The following SH3GL1 variants were observed in gnomAD, a reference collection of about 807,000 sequenced individuals.
SH3GL1 encodes the protein SH3 domain containing GRB2 like 1, endophilin A2, also known as endophilin-A2.
In SH3GL1, 21 loss-of-function variants were observed where a neutral mutation model predicts 48.8. The observed-to-expected ratio is 0.43, with a 90% confidence interval of 0.30 to 0.62. SH3GL1 has a LOEUF of 0.62. SH3GL1 is among the 20% of genes least tolerant of loss of function. The pLI is 0.11. For missense variants in SH3GL1, 454 were observed against 503.0 expected (o/e 0.90, Z 0.93); for synonymous variants, 282 against 217.5 (o/e 1.30, Z -2.61).
intron 4 of SH3GL1, among the ~76,000 whole-genome samples, chr19:4,364,870 G>GTGTGTGTGTGTGTA: frequency 1.6e-5 from 1 of 63,370 alleles, no homozygotes; most frequent in African/African-American, 5.9e-5. Flanking sequence ...GGCTAATTGT[G>GTGTGTGTGTGTGTA]TGTGTGTGTG....
Position 4,376,917 on chromosome 19 carries a change from G to A in SH3GL1, c.46-9923C>T, listed in dbSNP as rs1973020129. Among the ~76,000 whole-genome samples the A allele has an allele frequency of 6.6e-6, 1 of 152,158 alleles. No individual in the cohort carries two copies. The highest frequency in any genetic ancestry group is 2.4e-5 in the African/African-American group (1 of 41,430). ...CCCGGGCAACCTCTTGGGGGTCCTC[G>A]CCACATCCCACCCCTTGACAGCAGC... On this transcript the variant is annotated intron_variant, in intron 1 of 9. Transcript: ENST00000269886. This position sits in a 1 kb window ranked among gnomAD's most constrained non-coding sequence, Gnocchi z 4.3.
At position 4,390,518 on chromosome 19, in the gene SH3GL1, A is replaced by C. The variant is rs192868022; in HGVS notation, c.45+9806T>G. On this transcript the variant is annotated intron_variant, in intron 1 of 9. Coordinates refer to ENST00000269886, the MANE Select transcript of SH3GL1 (RefSeq NM_003025.4). ...GAGTGAGAACAGAAAGAGAGGAAGAAGAGGGGGGAGAGATAGGGAGAGGAG... is the reference window on the plus strand; with the variant it reads ...GAGTGAGAACAGAAAGAGAGGAAGACGAGGGGGGAGAGATAGGGAGAGGAG... 1.4e-3 allele frequency: 207 copies of C among 152,002 alleles called. 3 individuals are homozygous for C. The highest frequency in any genetic ancestry group is 0.013 in the South Asian group (64 of 4,764). 9.4% of individuals were successfully genotyped at this position (152,002 alleles called of 1,614,324 possible).
intron 1 of SH3GL1, among the ~76,000 whole-genome samples, chr19:4,382,724 C>T (rs1188939734): frequency 6.6e-6 from 1 of 152,148 alleles, no homozygotes; most frequent in South Asian, 2.1e-4. Flanking sequence ...GCAGCCGTGG[C>T]GGGTGCTGTC....
intron 1 of SH3GL1, chr19:4,395,766 G>A (rs62129353): frequency 0.19 from 28,651 of 151,718 alleles, 3,075 homozygotes; most frequent in Admixed American, 0.26. Flanking sequence ...AAAATTAGCC[G>A]GGTGTGGTGG....
intron 4 of SH3GL1, among the ~76,000 whole-genome samples, 153 bp downstream of exon 4, chr19:4,365,329 C>T (rs1177624037): frequency 6.6e-6 from 1 of 152,154 alleles, no homozygotes; most frequent in African/African-American, 2.4e-5. Context: ...ATGGGTTGGT[C>T]TGTGCAGTCT....
Position 4,360,955 on chromosome 19 carries a change from C to T in SH3GL1, c.*645G>A. 1 of 233,684 alleles carries T rather than the reference C, an allele frequency of 4.3e-6. No individual in the cohort carries two copies. The highest frequency in any genetic ancestry group is 8.4e-6 in the Non-Finnish European group (1 of 118,348). The allele number at this position is 233,684 out of a possible 1,614,324, so 14.5% of individuals were successfully genotyped here. Reference sequence around the variant, plus strand: ...CCTGCAGGAGACCATGTTCTCTGTCCTCAGGCAGATCCCAGCTGGCCTCTG... The same window carrying T: ...CCTGCAGGAGACCATGTTCTCTGTCTTCAGGCAGATCCCAGCTGGCCTCTG... On this transcript the variant is annotated 3_prime_UTR_variant, in exon 10 of 10. Transcript: ENST00000269886.
At chr19:4,363,101 C>T (rs1219822435) in intron 7 of SH3GL1, among the ~76,000 whole-genome samples, 1 of 152,188 alleles carries the variant, frequency 6.6e-6, no homozygotes, top group African/African-American at 2.4e-5. Context: ...GGAGGGGAGC[C>T]TGGGTGTTCC....
rs577104346 is a variant in SH3GL1 at position 4,361,902 on chromosome 19, TCCCCTCTGCCCTGCCTGGGCCA to T, written c.911-128_911-107del. 366 of 813,960 alleles carry T rather than the reference TCCCCTCTGCCCTGCCTGGGCCA, an allele frequency of 4.5e-4. 3 individuals are homozygous for T. The South Asian group carries it at 5.0e-3, about 11-fold the overall frequency. The allele number at this position is 813,960 out of a possible 1,614,324, so 50.4% of individuals were successfully genotyped here. On this transcript the variant is annotated intron_variant, in intron 9 of 9. Coordinates refer to ENST00000269886, the MANE Select transcript of SH3GL1 (RefSeq NM_003025.4). ...TGGAGCGTGTGGGTGGGCATGGGCC[TCCCCTCTGCCCTGCCTGGGCCA>T]CCCCCTGCCCCTGCCACTTCTGGGG...
intron 1 of SH3GL1, among the ~76,000 whole-genome samples, chr19:4,385,863 C>T (rs1174397564): frequency 6.6e-6 from 1 of 152,248 alleles, no homozygotes; most frequent in Non-Finnish European, 1.5e-5. Flanking sequence ...ACCTCCCAGA[C>T]ACCCACACTA....
At chr19:4,371,833 T>G (rs1159437396) in intron 1 of SH3GL1, among the ~76,000 whole-genome samples, 1 of 152,234 alleles carries the variant, frequency 6.6e-6, no homozygotes, top group Admixed American at 6.5e-5. Context: ...CAGAGCCATC[T>G]CCGCGTCCCT....
At chr19:4,365,078 C>A (rs549217050) in intron 4 of SH3GL1, among the ~76,000 whole-genome samples, 1 of 151,998 alleles carries the variant, frequency 6.6e-6, no homozygotes, top group Non-Finnish European at 1.5e-5. Flanking sequence ...TAACAGCCCC[C>A]CAACACTCTA....
In SH3GL1 at chr19:4,361,199, TCGAGGGTAGG is replaced by T. The variant is rs1289385488; in HGVS notation, c.*391_*400del. The T allele has an allele frequency of 3.4e-5, 10 of 297,962 alleles. No individual in the cohort carries two copies. Among genetic ancestry groups the T allele is most frequent in the Non-Finnish European group, 3.8e-5 (6 of 158,230 alleles). The allele number at this position is 297,962 out of a possible 1,614,324, so 18.5% of individuals were successfully genotyped here. A position where few individuals can be genotyped will look rare whatever the true frequency, so the allele number is the denominator to read the frequency against. ...TCCCATCCTGTTAAGGCTGCGGGAC[TCGAGGGTAGG>T]CAGTGGGCCGGGCCCCCGTCGGGTC... is the stretch of plus-strand genomic sequence containing the variant. On this transcript the variant is annotated 3_prime_UTR_variant, in exon 10 of 10. Coordinates refer to ENST00000269886, the MANE Select transcript of SH3GL1 (RefSeq NM_003025.4).
At position 4,376,728 on chromosome 19, in the gene SH3GL1, G is replaced by A. The variant is rs1305754763; in HGVS notation, c.46-9734C>T. Among the ~76,000 whole-genome samples, 1 of 152,000 alleles carries A rather than the reference G, an allele frequency of 6.6e-6. No individual in the cohort carries two copies. The highest frequency in any genetic ancestry group is 2.4e-5 in the African/African-American group (1 of 41,362). The stretch of plus-strand genomic sequence containing the variant: ...TCCCATGCTGGGTCTTAGCCACCAG[G>A]GCTCTGTCCATCCAAATGTCCCCAT... On this transcript the variant is annotated intron_variant, in intron 1 of 9. Transcript: ENST00000269886. The surrounding 1 kb of genome is among the most constrained non-coding windows in gnomAD (Gnocchi z 4.3).
chr19:4,361,116 G>A lies in SH3GL1; in HGVS notation c.*484C>T. 1 of 251,636 alleles carries A rather than the reference G, an allele frequency of 4.0e-6. No individual in the cohort carries two copies. Among genetic ancestry groups the A allele is most frequent in the Non-Finnish European group, 7.7e-6 (1 of 130,114 alleles). The allele number at this position is 251,636 out of a possible 1,614,324, so 15.6% of individuals were successfully genotyped here. ...GGCCAGGGCCCATCACCAGCACCAG[G>A]CTGGGAGGGATTTAAAACCAGGGTC... is the stretch of plus-strand genomic sequence containing the variant. On this transcript the variant is annotated 3_prime_UTR_variant, in exon 10 of 10. Transcript: ENST00000269886.
At chr19:4,386,244 C>G (rs2144910716) in intron 1 of SH3GL1, among the ~76,000 whole-genome samples, 1 of 152,278 alleles carries the variant, frequency 6.6e-6, no homozygotes, top group Admixed American at 6.5e-5. Flanking sequence ...GGGGCCTCAT[C>G]CCACAGAGGC....
chr19:4,379,875 C>G (rs1973086945), intron 1 of SH3GL1, among the ~76,000 whole-genome samples: 1 of 152,202 alleles, frequency 6.6e-6, no homozygotes, highest in South Asian at 2.1e-4. Context: ...GCTTGCTTCT[C>G]TGTTGTCATC....
chr19:4,375,800 A>G (rs1972996561), intron 1 of SH3GL1, among the ~76,000 whole-genome samples: 1 of 152,228 alleles, frequency 6.6e-6, no homozygotes, highest in South Asian at 2.1e-4. Context: ...CAAACAAATG[A>G]GGCGATAAAT....
intron 9 of SH3GL1, 52 bp downstream of exon 9, chr19:4,362,277 C>G (rs187520105): frequency 6.4e-7 from 1 of 1,567,468 alleles, no homozygotes; most frequent in Non-Finnish European, 8.7e-7. Context: ...ACACCCTCCC[C>G]GAATGGCCGA....
intron 1 of SH3GL1, among the ~76,000 whole-genome samples, chr19:4,387,510 G>A (rs1973258312): frequency 6.6e-6 from 1 of 151,622 alleles, no homozygotes. Context: ...GCCCAAATGG[G>A]CTTGAACAAC....
Sources: gnomAD v4.1 joint callset for allele counts (sites outside exome capture counted in the v4.1 genomes callset) on GRCh38, gnomAD v4.1.1 for gene constraint, Gnocchi (gnomAD v3.1) non-coding constraint, MANE v1.5 for transcripts, NCBI Gene and HGNC (gene_info 2026-07-23, HGNC 2026-07-21) for gene names.